SDK1: variants seen among roughly 807,000 people sequenced by gnomAD.
The protein encoded by SDK1 is sidekick cell adhesion molecule 1.
Under a neutral mutation model 245.5 loss-of-function variants are expected in SDK1, and 157 were observed. The observed-to-expected ratio is 0.64, with a 90% CI of 0.56 to 0.73. The LOEUF is 0.73. Among genes scored for constraint, SDK1 ranks in the 30% least tolerant of loss-of-function variants. The pLI is 0.00. For synonymous variants in SDK1, 1,647 were observed against 1,278.5 expected (o/e 1.29, Z -6.15); for missense variants, 3,583 against 3,002.3 (o/e 1.19, Z -4.52).
intron 1 of SDK1, among the ~76,000 whole-genome samples, chr7:3,306,674 C>T (rs928872727): frequency 1.3e-5 from 2 of 152,138 alleles, no homozygotes; most frequent in East Asian, 3.8e-4. Context: ...TAAGTGATAT[C>T]AGGTAAGACT....
chr7:3,424,215 C>G (rs1048498511), intron 1 of SDK1, among the ~76,000 whole-genome samples: 3 of 152,048 alleles, frequency 2.0e-5, no homozygotes, highest in African/African-American at 7.2e-5. Flanking sequence ...CCCGGCCATA[C>G]TAATTTAATT....
rs138845997 is a variant in SDK1, at chr7:3,952,508, A to T, written c.1150+588A>T. On this transcript the variant is annotated intron_variant, in intron 7 of 44. Transcript: ENST00000404826. ...GGAGGCACGAGAATCACTTGAACCCAGGAGGCAGAGGTTGCAGTGAGCCAA... is the reference window on the plus strand; with the variant it reads ...GGAGGCACGAGAATCACTTGAACCCTGGAGGCAGAGGTTGCAGTGAGCCAA... Among the ~76,000 whole-genome samples the T allele has an allele frequency of 5.9e-3, 896 of 152,268 alleles. 12 individuals carry two copies. The highest frequency in any genetic ancestry group is 0.02 in the African/African-American group (845 of 41,544).
chr7:3,666,237 T>G (rs1562642182), intron 4 of SDK1, among the ~76,000 whole-genome samples: 1 of 152,208 alleles, frequency 6.6e-6, no homozygotes, highest in Non-Finnish European at 1.5e-5. Context: ...CCTGGCCTTG[T>G]GCCGCCTGCA....
At chr7:3,504,319 A>C (rs1782320412) in intron 1 of SDK1, among the ~76,000 whole-genome samples, 1 of 151,464 alleles carries the variant, frequency 6.6e-6, no homozygotes, top group African/African-American at 2.4e-5. Context: ...TGATCTTAAA[A>C]CCACACAGTG....
At chr7:4,246,761 G>A (rs1204602339) in intron 44 of SDK1, among the ~76,000 whole-genome samples, 1 of 152,132 alleles carries the variant, frequency 6.6e-6, no homozygotes, top group South Asian at 2.1e-4. Flanking sequence ...TTCCCCGAGG[G>A]AGTGTCAGCC....
In SDK1 at chr7:3,723,937, TATATATAGAGAGAG is replaced by T. The variant is rs1327037875; in HGVS notation, c.713+81834_713+81847del. Among the ~76,000 whole-genome samples, 18 of 119,194 alleles carry T rather than the reference TATATATAGAGAGAG, an allele frequency of 1.5e-4. 1 individual carries two copies. Among genetic ancestry groups the T allele is most frequent in the African/African-American group, 5.7e-4 (18 of 31,778 alleles). The allele number at this position is 119,194 out of a possible 152,430, so 78.2% of individuals were successfully genotyped here. A position where few individuals can be genotyped will look rare whatever the true frequency, so the allele number is the denominator to read the frequency against. On this transcript the variant is annotated intron_variant, in intron 4 of 44. Transcript: ENST00000404826. Reference sequence around the variant, plus strand: ...ATATATATACACGTATATATATATATATATATAGAGAGAGAGAGAGAGAGAGAGAGAGAGAGAGA... The same window carrying T: ...ATATATATACACGTATATATATATATAGAGAGAGAGAGAGAGAGAGAGAGA...
At position 3,796,510 on chromosome 7, in the gene SDK1, A is replaced by T. The variant is rs971664362; in HGVS notation, c.714-24940A>T. Among the ~76,000 whole-genome samples the T allele has an allele frequency of 4.6e-4, 70 of 151,774 alleles. 1 individual carries two copies. Among genetic ancestry groups the T allele is most frequent in the African/African-American group, 1.7e-3 (69 of 41,156 alleles). ...GCAGTGCTGGTCCCATTCATCAGTA[A>T]TGCCCCTCTCCCCCCCAGCCTACAA... is the stretch of plus-strand genomic sequence containing the variant. On this transcript the variant is annotated intron_variant, in intron 4 of 44. Transcript: ENST00000404826.
chr7:3,579,454 G>T (rs71564961), intron 1 of SDK1, among the ~76,000 whole-genome samples: 1 of 152,160 alleles, frequency 6.6e-6, no homozygotes, highest in Non-Finnish European at 1.5e-5. Context: ...GTGCAGAAAA[G>T]GCTTTTGATA....
chr7:3,446,148 C>G (rs929054912), intron 1 of SDK1, among the ~76,000 whole-genome samples: 2 of 152,044 alleles, frequency 1.3e-5, no homozygotes, highest in Admixed American at 6.6e-5. Flanking sequence ...TAGGTAAGAT[C>G]TCATTTCTTT....
chr7:3,987,646 C>A (rs1783971396), intron 14 of SDK1, among the ~76,000 whole-genome samples: 1 of 152,160 alleles, frequency 6.6e-6, no homozygotes, highest in Non-Finnish European at 1.5e-5. Flanking sequence ...TGCCTGCCAC[C>A]TGGGTGACTT....
At chr7:3,593,035 A>C (rs180882779) in intron 1 of SDK1, among the ~76,000 whole-genome samples, 220 of 152,308 alleles carry the variant, frequency 1.4e-3, no homozygotes, top group Non-Finnish European at 2.6e-3. Context: ...CGAGTGTTGC[A>C]AGTGGAAATC....
intron 25 of SDK1, among the ~76,000 whole-genome samples, chr7:4,121,001 T>C (rs1311203031): frequency 1.3e-5 from 2 of 151,860 alleles, no homozygotes; most frequent in Non-Finnish European, 2.9e-5. Flanking sequence ...TAAACAAACA[T>C]TTCCAGCTGT....
chr7:3,937,063 T>C (rs6951851), intron 5 of SDK1, among the ~76,000 whole-genome samples: 35 of 152,158 alleles, frequency 2.3e-4, no homozygotes, highest in African/African-American at 8.2e-4. Context: ...ATGTCAAGAA[T>C]ACTGTCCGTG....
At chr7:3,406,594 C>T (rs1461733539) in intron 1 of SDK1, among the ~76,000 whole-genome samples, 1 of 152,248 alleles carries the variant, frequency 6.6e-6, no homozygotes, top group East Asian at 1.9e-4. Context: ...TTAAGTGAAA[C>T]ATCATACTGA....
intron 2 of SDK1, among the ~76,000 whole-genome samples, chr7:3,622,724 T>C (rs1233258051): frequency 6.6e-6 from 1 of 152,214 alleles, no homozygotes; most frequent in Non-Finnish European, 1.5e-5. Context: ...AGTGACTCGT[T>C]ATATGTGGAC....
chr7:3,573,426 G>T (rs960683643), intron 1 of SDK1, among the ~76,000 whole-genome samples: 14 of 151,966 alleles, frequency 9.2e-5, no homozygotes, highest in African/African-American at 3.4e-4. Context: ...CAGAAAACTG[G>T]ATGGATCTGT....
chr7:4,078,098 A>G (rs1780813077), intron 21 of SDK1, among the ~76,000 whole-genome samples: 1 of 152,134 alleles, frequency 6.6e-6, no homozygotes. Context: ...CACAGAGTGG[A>G]GTGTTAGAGG....
rs1024005513 is a variant in SDK1 at position 4,026,090 on chromosome 7, G to T, written c.2602+8738G>T. 6.6e-6 allele frequency among the ~76,000 whole-genome samples: 1 copy of T among 152,246 alleles called. No individual in the cohort carries two copies. The highest frequency in any genetic ancestry group is 2.4e-5 in the African/African-American group (1 of 41,474). ...GTATGCCACTCAGCACCCTGGACAC[G>T]CCAGGCCGCAGCGCTGGTCTTCCAC... On this transcript the variant is annotated intron_variant, in intron 17 of 44. Transcript: ENST00000404826. The surrounding 1 kb of genome is among the most constrained non-coding windows in gnomAD (Gnocchi z 4.1).
At chr7:3,855,766 A>C (rs1209151741) in intron 5 of SDK1, among the ~76,000 whole-genome samples, 1 of 152,178 alleles carries the variant, frequency 6.6e-6, no homozygotes, top group Non-Finnish European at 1.5e-5. Flanking sequence ...AATATACTAA[A>C]AGATCCTGGG....
Sources: allele counts gnomAD v4.1 joint callset (sites outside exome capture counted in the v4.1 genomes callset), GRCh38; gene constraint gnomAD v4.1.1; non-coding constraint Gnocchi (gnomAD v3.1); transcripts MANE v1.5; gene names NCBI Gene and HGNC (gene_info 2026-07-23, HGNC 2026-07-21).